Variants in FUT9 observed in about 807,000 individuals in gnomAD.
FUT9 encodes the protein fucosyltransferase 9.
Under a neutral mutation model 29.7 loss-of-function variants are expected in FUT9, and 15 were observed. The observed-to-expected ratio is 0.51, with a 90% CI of 0.34 to 0.78. The LOEUF (loss-of-function observed/expected upper bound fraction) is 0.78, where lower values mean the gene tolerates loss of function less well. Among genes scored for constraint, FUT9 ranks in the 30% least tolerant of loss-of-function variants. FUT9 has a pLI of 0.01. For synonymous variants in FUT9, 169 were observed against 153.7 expected (o/e 1.10, Z -0.74); for missense variants, 319 against 425.4 (o/e 0.75, Z 2.20).
In FUT9 at chr6:96,212,894, G is replaced by A. The variant is rs2127994137; in HGVS notation, c.*8659G>A. Reference sequence around the variant, plus strand: ...GAGGAGTAGTAAACTAAGGATCAAAGCCCAAGTTCCAGTTTTCACAATCTG... The same window carrying A: ...GAGGAGTAGTAAACTAAGGATCAAAACCCAAGTTCCAGTTTTCACAATCTG... On this transcript the variant is annotated 3_prime_UTR_variant, in exon 3 of 3. Transcript: ENST00000302103. The A allele has an allele frequency of 6.0e-6, 1 of 166,752 alleles. No individual in the cohort carries two copies. The highest frequency in any genetic ancestry group is 2.4e-5 in the African/African-American group (1 of 41,540). The allele number at this position is 166,752 out of a possible 1,614,324, so 10.3% of individuals were successfully genotyped here. A position where few individuals can be genotyped will look rare whatever the true frequency, so the allele number is the denominator to read the frequency against.
rs116307731 is a variant in FUT9 at position 96,016,415 on chromosome 6, T to C, written c.-98+203T>C. On this transcript the variant is annotated intron_variant, in intron 1 of 2. Transcript: ENST00000302103. ...CTGGCAACCTGAACCCCTCTCCGTC[T>C]TGGGGACAGCTGCCTGCAGCTCGCA... Among the ~76,000 whole-genome samples the C allele has an allele frequency of 6.9e-3, 1,045 of 152,278 alleles. 8 individuals are homozygous for C. The highest frequency in any genetic ancestry group is 0.024 in the African/African-American group (1,001 of 41,568).
chr6:96,021,611 A>G (rs1045267588), intron 1 of FUT9, among the ~76,000 whole-genome samples: 11 of 152,040 alleles, frequency 7.2e-5, no homozygotes, highest in Non-Finnish European at 1.0e-4. Context: ...GTAATTATCT[A>G]TGTTTTATTT....
rs761469452 is a variant in FUT9 at position 96,115,315 on chromosome 6, G to C, written c.-9+1188G>C. On this transcript the variant is annotated intron_variant, in intron 2 of 2. Transcript: ENST00000302103. ...ATAGTTATTTTAACATATGACTAAT[G>C]TAAAGAAAAGAATGAGACAATTTGC... Among the ~76,000 whole-genome samples, 96 of 152,172 alleles carry C rather than the reference G, an allele frequency of 6.3e-4. 3 individuals are homozygous for C. The highest frequency in any genetic ancestry group is 5.6e-3 in the Admixed American group (85 of 15,286).
intron 2 of FUT9, among the ~76,000 whole-genome samples, chr6:96,126,654 C>G (rs1253909263): frequency 1.3e-5 from 2 of 152,204 alleles, no homozygotes; most frequent in Non-Finnish European, 2.9e-5. Context: ...TCTGCCTCTG[C>G]GTCAGACTAA....
At chr6:96,131,303 C>A (rs1014845908) in intron 2 of FUT9, among the ~76,000 whole-genome samples, 2 of 151,984 alleles carry the variant, frequency 1.3e-5, no homozygotes, top group Non-Finnish European at 1.5e-5. Flanking sequence ...ACAAATAACA[C>A]CTTGACGAGT....
intron 1 of FUT9, among the ~76,000 whole-genome samples, chr6:96,098,624 A>G (rs764968869): frequency 2.0e-5 from 3 of 152,138 alleles, no homozygotes; most frequent in Non-Finnish European, 1.5e-5. Context: ...AATGTATTCA[A>G]TATGTCTTAT....
chr6:96,065,833 T>C (rs138297017), intron 1 of FUT9, among the ~76,000 whole-genome samples: 24 of 152,262 alleles, frequency 1.6e-4, no homozygotes, highest in African/African-American at 5.8e-4. Flanking sequence ...TTAACAGTTA[T>C]GATCTGCAAG....
At chr6:96,113,314 T>C (rs571104143) in intron 1 of FUT9, among the ~76,000 whole-genome samples, 1 of 151,982 alleles carries the variant, frequency 6.6e-6, no homozygotes, top group Admixed American at 6.5e-5. Context: ...TCTCGGATCA[T>C]TGCAACTTCC....
intron 1 of FUT9, among the ~76,000 whole-genome samples, chr6:96,093,319 A>G (rs9390843): frequency 0.022 from 3,393 of 152,106 alleles, 64 homozygotes; most frequent in East Asian, 0.079. Flanking sequence ...TCTTATTTTG[A>G]TCATGATCCT....
intron 2 of FUT9, among the ~76,000 whole-genome samples, chr6:96,169,854 T>C (rs750578674): frequency 9.9e-5 from 15 of 152,178 alleles, no homozygotes; most frequent in Non-Finnish European, 2.1e-4. Context: ...TAATTTCTTA[T>C]GGCAAAGATG....
chr6:96,089,387 T>C lies in FUT9; in HGVS notation c.-97-24652T>C, dbSNP rs915467822. On this transcript the variant is annotated intron_variant, in intron 1 of 2. Coordinates refer to ENST00000302103, the MANE Select transcript of FUT9 (RefSeq NM_006581.4). ...CCACCTGGTGTCCCTTTCCCTGAGC[T>C]GCAGCCTAAAATCTCCAACCTGTCA... is the stretch of plus-strand genomic sequence containing the variant. Among the ~76,000 whole-genome samples, 6 of 152,176 alleles carry C rather than the reference T, an allele frequency of 3.9e-5. 1 individual carries two copies. Among genetic ancestry groups the C allele is most frequent in the South Asian group, 4.1e-4 (2 of 4,832 alleles).
At chr6:96,146,062 G>A (rs987257303) in intron 2 of FUT9, among the ~76,000 whole-genome samples, 6 of 151,986 alleles carry the variant, frequency 3.9e-5, no homozygotes, top group Admixed American at 6.6e-5. Context: ...GGCTGGTCTC[G>A]AACTCCTGGG....
intron 1 of FUT9, among the ~76,000 whole-genome samples, chr6:96,035,836 TTAATA>T (rs1158431472): frequency 3.2e-4 from 42 of 132,060 alleles, no homozygotes; most frequent in African/African-American, 1.1e-3. Flanking sequence ...ATGTATTATA[TTAATA>T]TAATATATTA....
At chr6:96,020,696 C>T (rs1016867605) in intron 1 of FUT9, 1 of 152,054 alleles carries the variant, frequency 6.6e-6, no homozygotes, top group East Asian at 1.9e-4. Context: ...TTGATATCTC[C>T]ATTACATTTT....
intron 2 of FUT9, among the ~76,000 whole-genome samples, chr6:96,171,899 T>G (rs150893305): frequency 1.3e-5 from 2 of 152,214 alleles, no homozygotes; most frequent in East Asian, 1.9e-4. Context: ...TTGTCTAATA[T>G]GTAAGACCTT....
chr6:96,090,969 T>C (rs2127953801), intron 1 of FUT9, among the ~76,000 whole-genome samples: 1 of 152,210 alleles, frequency 6.6e-6, no homozygotes, highest in Non-Finnish European at 1.5e-5. Context: ...TAATATCTAA[T>C]GCAATAGTAA....
chr6:96,198,452 C>A (rs949362674), intron 2 of FUT9, among the ~76,000 whole-genome samples: 2 of 152,092 alleles, frequency 1.3e-5, no homozygotes, highest in Middle Eastern at 3.4e-3. Flanking sequence ...TGAACTCATC[C>A]TTTTTTATGG....
intron 1 of FUT9, among the ~76,000 whole-genome samples, chr6:96,020,279 T>C (rs1166077461): frequency 6.6e-6 from 1 of 152,194 alleles, no homozygotes; most frequent in Non-Finnish European, 1.5e-5. Context: ...TAAGCTTTTA[T>C]AGACAATTGA....
chr6:96,105,711 T>A (rs1771666227), intron 1 of FUT9, among the ~76,000 whole-genome samples: 1 of 152,170 alleles, frequency 6.6e-6, no homozygotes, highest in African/African-American at 2.4e-5. Context: ...ATGATAAGTT[T>A]CTATAGTTTT....
Sources: gnomAD v4.1 joint callset for allele counts (sites outside exome capture counted in the v4.1 genomes callset) on GRCh38, gnomAD v4.1.1 for gene constraint, MANE v1.5 for transcripts, NCBI Gene and HGNC (gene_info 2026-07-23, HGNC 2026-07-21) for gene names.